Variants in NF2 observed in about 807,000 individuals in gnomAD.
NF2 encodes the protein NF2, moesin-ezrin-radixin like (MERLIN) tumor suppressor.
A neutral mutation model predicts 83.7 loss-of-function variants in NF2; 8 were observed. The ratio of observed to expected loss-of-function variants is 0.10; its 90% CI spans 0.06 to 0.17. NF2 has a LOEUF of 0.17. NF2 is among the 10% of genes least tolerant of loss of function. NF2 has a pLI of 1.00. For missense variants in NF2, 533 were observed against 744.4 expected (o/e 0.72, Z 3.31); for synonymous variants, 266 against 269.6 (o/e 0.99, Z 0.13).
At chr22:29,642,965 T>C (rs958220082) in intron 4 of NF2, among the ~76,000 whole-genome samples, 1 of 151,980 alleles carries the variant, frequency 6.6e-6, no homozygotes, top group Non-Finnish European at 1.5e-5. Context: ...TAGACCTTTT[T>C]TTTTTTTTTA....
rs750633919 is a variant in NF2, at chr22:29,668,394, T to G, written c.947T>G (p.Leu316Trp). The G allele has an allele frequency of 2.7e-5, 44 of 1,613,858 alleles. No individual in the cohort carries two copies. The highest frequency in any genetic ancestry group is 1.8e-4 in the Admixed American group (11 of 59,998). ...LFMRRRKADS[L>W]EVQQMKAQAR... Reference sequence around the variant, plus strand: ...ATGAGGAGAAGGAAAGCCGATTCTTTGGAAGTTCAGCAGATGAAAGCCCAG... The same window carrying G: ...ATGAGGAGAAGGAAAGCCGATTCTTGGGAAGTTCAGCAGATGAAAGCCCAG... Residue 316 changes from leucine to tryptophan, a missense_variant, in exon 10 of 16, where the codon TTG (leucine) becomes TGG (tryptophan). By Grantham distance (61) the Leu-to-Trp change is moderately conservative. This residue lies in a region of NF2 where 326 missense variants were observed against 475.1 expected (regional missense o/e 0.69). Transcript: ENST00000338641.
intron 4 of NF2, among the ~76,000 whole-genome samples, chr22:29,651,612 T>G (rs2066149747): frequency 6.6e-6 from 1 of 150,990 alleles, no homozygotes; most frequent in Non-Finnish European, 1.5e-5. Flanking sequence ...TTTTCTTCCC[T>G]TGTTGTTTAA....
At chr22:29,653,840 T>C (rs1178367411) in intron 4 of NF2, among the ~76,000 whole-genome samples, 1 of 152,234 alleles carries the variant, frequency 6.6e-6, no homozygotes, top group Non-Finnish European at 1.5e-5. Context: ...AGCTTTGTTG[T>C]TTTTGGTAAA....
intron 1 of NF2, among the ~76,000 whole-genome samples, chr22:29,625,223 G>A (rs901636360): frequency 1.3e-5 from 2 of 152,094 alleles, no homozygotes; most frequent in African/African-American, 2.4e-5. Flanking sequence ...CATTGCACCC[G>A]GCCAGATCTT....
At chr22:29,609,053 T>C (rs1488952523) in intron 1 of NF2, 1 of 727,368 alleles carries the variant, frequency 1.4e-6, no homozygotes, top group Non-Finnish European at 2.6e-6. Flanking sequence ...GCCAGAACAG[T>C]GGGTAAAGCC....
In NF2 at chr22:29,695,299, G is replaced by A. The variant is rs1194909376; in HGVS notation, c.*497G>A. 3.6e-6 allele frequency: 1 copy of A among 277,154 alleles called. No homozygotes were observed. 17.2% of individuals were successfully genotyped at this position (277,154 alleles called of 1,614,324 possible). Reference sequence around the variant, plus strand: ...AGCCCGGCGGATCCCAGGCCAGCACGCCTGCCGGCTTCTCATCGTCAGGGA... The same window carrying A: ...AGCCCGGCGGATCCCAGGCCAGCACACCTGCCGGCTTCTCATCGTCAGGGA... On this transcript the variant is annotated 3_prime_UTR_variant, in exon 16 of 16. Transcript: ENST00000338641. The surrounding 1 kb of genome is among the most constrained non-coding windows in gnomAD (Gnocchi z 5.4).
At chr22:29,638,650 C>G (rs1055579097) in intron 2 of NF2, among the ~76,000 whole-genome samples, 1 of 152,074 alleles carries the variant, frequency 6.6e-6, no homozygotes, top group Admixed American at 6.6e-5. Context: ...CCACGCCCAG[C>G]GCTCTAAGCC....
intron 14 of NF2, among the ~76,000 whole-genome samples, chr22:29,679,751 A>T (rs1028021166): frequency 4.0e-5 from 6 of 151,892 alleles, no homozygotes; most frequent in Admixed American, 2.0e-4. Flanking sequence ...CTGTGGTCCC[A>T]GCTACTCGGG....
rs752853251 is a variant in NF2, at chr22:29,636,891, CGAT to C, written c.240+18_240+20del. 23 of 1,613,792 alleles carry C rather than the reference CGAT, an allele frequency of 1.4e-5. No individual in the cohort carries two copies. In the South Asian group the frequency reaches 2.5e-4, roughly 18 times the overall value. Reference sequence around the variant, plus strand: ...TGGACAAGAAGGTTGGGCTAGAACTCGATGAAACTGGTGGGGCTGACGTGAGCT... The same window carrying C: ...TGGACAAGAAGGTTGGGCTAGAACTCGAAACTGGTGGGGCTGACGTGAGCT... On this transcript the variant is annotated intron_variant, in intron 2 of 15. Transcript: ENST00000338641. This position sits in a 1 kb window ranked among gnomAD's most constrained non-coding sequence, Gnocchi z 4.4.
At chr22:29,616,893 G>C (rs1227127267) in intron 1 of NF2, among the ~76,000 whole-genome samples, 2 of 152,038 alleles carry the variant, frequency 1.3e-5, no homozygotes, top group Non-Finnish European at 2.9e-5. Flanking sequence ...GAGAGGGTAA[G>C]AGAGACTAGC....
chr22:29,695,906 G>A lies in NF2; in HGVS notation c.*1104G>A. ...TTCTGTTCCCTGGGGGCCAGCCAGG[G>A]CCCTTTGTGCCCCTCCCAGCACAGG... On this transcript the variant is annotated 3_prime_UTR_variant, in exon 16 of 16. Transcript: ENST00000338641. This position sits in a 1 kb window ranked among gnomAD's most constrained non-coding sequence, Gnocchi z 5.4. 8.6e-6 allele frequency: 2 copies of A among 233,394 alleles called. No homozygotes were observed. Among genetic ancestry groups the A allele is most frequent in the Non-Finnish European group, 1.7e-5 (2 of 118,190 alleles). The allele number at this position is 233,394 out of a possible 1,614,324, so 14.5% of individuals were successfully genotyped here.
intron 14 of NF2, 99 bp downstream of exon 14, chr22:29,678,422 G>T: frequency 7.1e-7 from 1 of 1,415,944 alleles, no homozygotes; most frequent in Non-Finnish European, 9.9e-7. Flanking sequence ...CGCTGCAGCA[G>T]CCTGTCATTA....
chr22:29,622,993 C>G (rs910765970), intron 1 of NF2, among the ~76,000 whole-genome samples: 1 of 127,154 alleles, frequency 7.9e-6, no homozygotes, highest in Non-Finnish European at 1.6e-5. Flanking sequence ...GGGTCTCACT[C>G]AGACTGGAGT....
At chr22:29,669,732 G>A (rs1159820593) in intron 10 of NF2, among the ~76,000 whole-genome samples, 1 of 152,114 alleles carries the variant, frequency 6.6e-6, no homozygotes, top group Non-Finnish European at 1.5e-5. Flanking sequence ...CCTGGCATCT[G>A]GGCAACCACA....
intron 5 of NF2, among the ~76,000 whole-genome samples, chr22:29,654,937 G>T (rs774024203): frequency 9.2e-5 from 14 of 152,150 alleles, no homozygotes; most frequent in Non-Finnish European, 1.6e-4. Flanking sequence ...GACTAGCATG[G>T]CCTGTAAATG....
In NF2 at chr22:29,695,364, G is replaced by A. The variant is rs1601690099; in HGVS notation, c.*562G>A. 3.9e-6 allele frequency: 1 copy of A among 259,420 alleles called. No homozygotes were observed. The highest frequency in any genetic ancestry group is 7.6e-6 in the Non-Finnish European group (1 of 132,394). 16.1% of individuals were successfully genotyped at this position (259,420 alleles called of 1,614,324 possible). On this transcript the variant is annotated 3_prime_UTR_variant, in exon 16 of 16. Coordinates refer to ENST00000338641, the MANE Select transcript of NF2 (RefSeq NM_000268.4). The surrounding 1 kb of genome is among the most constrained non-coding windows in gnomAD (Gnocchi z 5.4). ...CGTGACGAGCAAGTGCTGGGTCCCC[G>A]CCAGGCACCCCGAGGCGGCGCTCTG...
chr22:29,628,501 T>C (rs545856232), intron 1 of NF2, among the ~76,000 whole-genome samples: 1 of 151,846 alleles, frequency 6.6e-6, no homozygotes, highest in South Asian at 2.1e-4. Context: ...TTTGGCATAA[T>C]AACAGAGATG....
At chr22:29,616,115 G>A (rs1411851635) in intron 1 of NF2, among the ~76,000 whole-genome samples, 4 of 152,130 alleles carry the variant, frequency 2.6e-5, no homozygotes, top group Non-Finnish European at 4.4e-5. Context: ...TCTAGGATAG[G>A]CATATCTACA....
Position 29,698,358 on chromosome 22 carries a change from C to A in NF2, c.*3556C>A, listed in dbSNP as rs978255029. 1.4e-5 allele frequency: 3 copies of A among 221,308 alleles called. No homozygotes were observed. The highest frequency in any genetic ancestry group is 9.1e-6 in the Non-Finnish European group (1 of 110,488). 13.7% of individuals were successfully genotyped at this position (221,308 alleles called of 1,614,324 possible). A position where few individuals can be genotyped will look rare whatever the true frequency, so the allele number is the denominator to read the frequency against. On this transcript the variant is annotated 3_prime_UTR_variant, in exon 16 of 16. Transcript: ENST00000338641. ...CCTCACTGACAGGGTGGGGCCTCAC[C>A]ACCCCTGGAGGGAGCAGCGTTGGCA...
Sources: allele counts gnomAD v4.1 joint callset (sites outside exome capture counted in the v4.1 genomes callset), GRCh38; gene constraint gnomAD v4.1.1; regional missense constraint gnomAD v4.1.1; non-coding constraint Gnocchi (gnomAD v3.1); transcripts MANE v1.5; gene names NCBI Gene and HGNC (gene_info 2026-07-23, HGNC 2026-07-21).